Variants in PSMD1 observed in about 807,000 individuals in gnomAD.
The protein encoded by PSMD1 is 26S proteasome non-ATPase regulatory subunit 1.
PSMD1 carries 18 observed loss-of-function variants against 119.0 expected under a neutral mutation model. The ratio of observed to expected loss-of-function variants is 0.15; its 90% CI spans 0.10 to 0.22. The LOEUF is 0.22. PSMD1 is among the 10% of genes least tolerant of loss of function. PSMD1 has a pLI of 1.00. For missense variants in PSMD1, 702 were observed against 1,158.5 expected, an observed-to-expected ratio of 0.61 and a Z score of 5.72; for synonymous variants, 374 against 396.6, an observed-to-expected ratio of 0.94 and a Z score of 0.68.
At chr2:231,059,462 T>C (rs1169960202) in intron 1 of PSMD1, among the ~76,000 whole-genome samples, 2 of 152,178 alleles carry the variant, frequency 1.3e-5, no homozygotes, top group South Asian at 4.1e-4. Context: ...CTATTAGTTT[T>C]TTCCAAGAGG....
chr2:231,071,645 T>C (rs1471031792), intron 6 of PSMD1, among the ~76,000 whole-genome samples: 1 of 152,180 alleles, frequency 6.6e-6, no homozygotes, highest in African/African-American at 2.4e-5. Context: ...AGTTACTTGC[T>C]GCCTAAGGGA....
chr2:231,167,955 T>G (rs1187947339), intron 23 of PSMD1, among the ~76,000 whole-genome samples: 1 of 152,204 alleles, frequency 6.6e-6, no homozygotes, highest in African/African-American at 2.4e-5. Context: ...TGGTTCCCAC[T>G]TACAGTCCCA....
At chr2:231,120,300 G>A (rs1218193178) in intron 16 of PSMD1, among the ~76,000 whole-genome samples, 1 of 152,182 alleles carries the variant, frequency 6.6e-6, no homozygotes, top group Admixed American at 6.5e-5. Flanking sequence ...AAGATTCAGA[G>A]AAGCTCTTAA....
At chr2:231,140,893 G>A (rs1021466926) in intron 17 of PSMD1, among the ~76,000 whole-genome samples, 1 of 151,910 alleles carries the variant, frequency 6.6e-6, no homozygotes, top group African/African-American at 2.4e-5. Flanking sequence ...AAAAGGCCAG[G>A]TGTGGTGGCT....
chr2:231,084,988 T>A (rs1553561061), intron 14 of PSMD1, 31 bp from the exon 15 acceptor site: 6 of 1,551,908 alleles, frequency 3.9e-6, no homozygotes, highest in Non-Finnish European at 5.3e-6. Context: ...TTGAAATAAG[T>A]TGATGATTAA....
At chr2:231,162,638 C>T (rs192243531) in intron 20 of PSMD1, among the ~76,000 whole-genome samples, 2 of 152,082 alleles carry the variant, frequency 1.3e-5, no homozygotes, top group Admixed American at 1.3e-4. Context: ...TATTTATTAT[C>T]ATCCTCCATC....
chr2:231,152,716 G>C (rs2125259244), intron 18 of PSMD1, among the ~76,000 whole-genome samples: 1 of 152,314 alleles, frequency 6.6e-6, no homozygotes, highest in East Asian at 1.9e-4. Flanking sequence ...GCTTTTGGCA[G>C]ATTTGGGGAG....
chr2:231,079,659 A>T (rs2303353), intron 11 of PSMD1, 45 bp downstream of exon 11: 455,084 of 1,239,482 alleles, frequency 0.37, 92,025 homozygotes, highest in African/African-American at 0.73. Flanking sequence ...AAAAGAAGTA[A>T]TTTTTCTGGG....
intron 16 of PSMD1, among the ~76,000 whole-genome samples, chr2:231,094,737 C>T (rs1694685936): frequency 2.0e-5 from 3 of 152,138 alleles, no homozygotes; most frequent in Non-Finnish European, 1.5e-5. Flanking sequence ...TTTATAGGCA[C>T]AACTACAGAA....
chr2:231,083,778 G>T lies in PSMD1; in HGVS notation c.1722+15G>T. The T allele has an allele frequency of 6.2e-7, 1 of 1,611,476 alleles. No homozygotes were observed. Among genetic ancestry groups the T allele is most frequent in the Non-Finnish European group, 8.5e-7 (1 of 1,178,018 alleles). On this transcript the variant is annotated intron_variant, in intron 14 of 24. Transcript: ENST00000308696. Reference sequence around the variant, plus strand: ...GTCGTGACAAGGTGAGATCACATACGTCCCTCACTGTCCATTTATCTCCAG... The same window carrying T: ...GTCGTGACAAGGTGAGATCACATACTTCCCTCACTGTCCATTTATCTCCAG...
At chr2:231,171,642 C>T (rs571812912) in intron 24 of PSMD1, among the ~76,000 whole-genome samples, 10 of 151,394 alleles carry the variant, frequency 6.6e-5, no homozygotes, top group East Asian at 3.9e-4. Context: ...CCGCAACCTC[C>T]GCCTCCTGGG....
intron 16 of PSMD1, among the ~76,000 whole-genome samples, chr2:231,107,398 T>G (rs574661143): frequency 6.6e-6 from 1 of 152,222 alleles, no homozygotes; most frequent in African/African-American, 2.4e-5. Context: ...AAAGCTAAGG[T>G]ATGAGTTATC....
chr2:231,145,265 C>G (rs1015908694), intron 17 of PSMD1, among the ~76,000 whole-genome samples: 1 of 152,150 alleles, frequency 6.6e-6, no homozygotes, highest in African/African-American at 2.4e-5. Flanking sequence ...CTGTTGCTTC[C>G]AGAATACATA....
intron 16 of PSMD1, among the ~76,000 whole-genome samples, chr2:231,128,473 A>G (rs138442297): frequency 6.6e-6 from 1 of 152,318 alleles, no homozygotes; most frequent in East Asian, 1.9e-4. Context: ...TTTCAAACTT[A>G]ATCTGTTCTC....
chr2:231,083,813 A>G (rs1473849710), intron 14 of PSMD1, 50 bp downstream of exon 14: 1 of 1,562,754 alleles, frequency 6.4e-7, no homozygotes, highest in Non-Finnish European at 8.8e-7. Context: ...GCATGTAAAA[A>G]ACACTTAACT....
rs181580656 is a variant in PSMD1, at chr2:231,164,441, A to G, written c.2481+714A>G. Among the ~76,000 whole-genome samples the G allele has an allele frequency of 1.7e-3, 254 of 152,320 alleles. 1 individual carries two copies. Among genetic ancestry groups the G allele is most frequent in the African/African-American group, 5.8e-3 (241 of 41,562 alleles). On this transcript the variant is annotated intron_variant, in intron 21 of 24. Coordinates refer to ENST00000308696, the MANE Select transcript of PSMD1 (RefSeq NM_002807.4). ...ATAAAGTTTTACTCAGTAAAATTAT[A>G]CTTTTTTTGATACCTTATATATAGG...
At chr2:231,099,859 C>T (rs371012874) in intron 16 of PSMD1, among the ~76,000 whole-genome samples, 119 of 152,300 alleles carry the variant, frequency 7.8e-4, no homozygotes, top group Non-Finnish European at 1.3e-3. Flanking sequence ...CTCCCCCTTG[C>T]GGCTTTCTTA....
chr2:231,162,565 C>T (rs1284157524), intron 20 of PSMD1, among the ~76,000 whole-genome samples: 1 of 152,130 alleles, frequency 6.6e-6, no homozygotes, highest in Non-Finnish European at 1.5e-5. Flanking sequence ...TTTATGACTG[C>T]TGTTTTTACT....
At chr2:231,130,399 C>G (rs1378992571) in intron 16 of PSMD1, among the ~76,000 whole-genome samples, 1 of 152,186 alleles carries the variant, frequency 6.6e-6, no homozygotes, top group Non-Finnish European at 1.5e-5. Flanking sequence ...CTGCCCTTCC[C>G]TAAAATAAAG....
Sources: allele counts gnomAD v4.1 joint callset (sites outside exome capture counted in the v4.1 genomes callset), GRCh38; gene constraint gnomAD v4.1.1; transcripts MANE v1.5; gene names NCBI Gene and HGNC (gene_info 2026-07-23, HGNC 2026-07-21).